The following DCC variants were observed in gnomAD, a reference collection of about 807,000 sequenced individuals.
DCC encodes the protein DCC netrin 1 receptor.
In DCC, 58 loss-of-function variants were observed where a neutral mutation model predicts 172.5. The observed-to-expected ratio is 0.34, with a 90% CI of 0.27 to 0.42. DCC has a LOEUF of 0.42. DCC is among the 10% of genes least tolerant of loss of function. The probability of loss-of-function intolerance (pLI) is 1.00; values close to 1 mark genes in which losing one functional copy is unlikely to be tolerated. For synonymous variants in DCC, 709 were observed against 644.5 expected, an observed-to-expected ratio of 1.10 and a Z score of -1.52; for missense variants, 1,740 against 1,791.0, an observed-to-expected ratio of 0.97 and a Z score of 0.51.
Position 53,252,737 on chromosome 18 carries a change from G to A in DCC, c.1911+37140G>A, listed in dbSNP as rs141247345. Among the ~76,000 whole-genome samples the A allele has an allele frequency of 2.4e-3, 370 of 151,954 alleles. 2 individuals carry two copies. The highest frequency in any genetic ancestry group is 8.3e-3 in the African/African-American group (345 of 41,484). ...ATGTTGACTTGTCTATCTGGAGAGC[G>A]GAGCACATAAAAGACCCAATTATTG... On this transcript the variant is annotated intron_variant, in intron 12 of 28. Transcript: ENST00000442544.
chr18:52,978,137 T>C (rs1433047937), intron 5 of DCC, among the ~76,000 whole-genome samples: 2 of 152,018 alleles, frequency 1.3e-5, no homozygotes, highest in Admixed American at 1.3e-4. Context: ...TCCGAGTTTA[T>C]CTTAATGATG....
rs559766521 is a variant in DCC, at chr18:52,644,494, G to A, written c.92-107560G>A. ...CTAGGGAGGCTGAGGCAGGAGAATGGCATGAACCTGGGAGGCGGAGCTTGC... is the reference window on the plus strand; with the variant it reads ...CTAGGGAGGCTGAGGCAGGAGAATGACATGAACCTGGGAGGCGGAGCTTGC... On this transcript the variant is annotated intron_variant, in intron 1 of 28. Transcript: ENST00000442544. Among the ~76,000 whole-genome samples, 26 of 150,674 alleles carry A rather than the reference G, an allele frequency of 1.7e-4. No individual in the cohort carries two copies. In the East Asian group the frequency reaches 5.1e-3, roughly 30 times the overall value.
At chr18:52,525,351 C>T (rs1312254120) in intron 1 of DCC, among the ~76,000 whole-genome samples, 1 of 152,160 alleles carries the variant, frequency 6.6e-6, no homozygotes. Context: ...GCCCATCTTC[C>T]ACCCTCTGCA....
chr18:52,617,038 G>T (rs1302432116), intron 1 of DCC, among the ~76,000 whole-genome samples: 1 of 152,132 alleles, frequency 6.6e-6, no homozygotes, highest in East Asian at 1.9e-4. Flanking sequence ...GCAAAAACTG[G>T]CCTTAACAGA....
intron 5 of DCC, among the ~76,000 whole-genome samples, chr18:53,050,402 C>T (rs1344633776): frequency 2.6e-5 from 4 of 152,096 alleles, no homozygotes; most frequent in Non-Finnish European, 4.4e-5. Flanking sequence ...TCTTCCTATC[C>T]GTGACCATGG....
At chr18:53,493,281 T>A (rs182347307) in intron 26 of DCC, among the ~76,000 whole-genome samples, 1 of 152,312 alleles carries the variant, frequency 6.6e-6, no homozygotes, top group East Asian at 1.9e-4. Context: ...CAGAGACAAT[T>A]TGACTTCCTC....
chr18:52,971,834 A>T (rs936137825), intron 5 of DCC, among the ~76,000 whole-genome samples: 1 of 152,102 alleles, frequency 6.6e-6, no homozygotes, highest in Non-Finnish European at 1.5e-5. Context: ...TAGGTGTGAC[A>T]TTTTGTTCCT....
chr18:52,343,963 A>T (rs1033097994), intron 1 of DCC, among the ~76,000 whole-genome samples: 1 of 152,162 alleles, frequency 6.6e-6, no homozygotes, highest in South Asian at 2.1e-4. Context: ...GTCAGTGTCC[A>T]TTTCCCACAC....
At chr18:52,989,286 G>A (rs1387061800) in intron 5 of DCC, among the ~76,000 whole-genome samples, 1 of 152,152 alleles carries the variant, frequency 6.6e-6, no homozygotes, top group Non-Finnish European at 1.5e-5. Flanking sequence ...ACTTTGGGAG[G>A]CCCAGGCGGG....
intron 5 of DCC, among the ~76,000 whole-genome samples, chr18:52,946,126 G>C (rs1354266470): frequency 6.6e-6 from 1 of 152,094 alleles, no homozygotes; most frequent in Non-Finnish European, 1.5e-5. Context: ...TCTCCAGGTA[G>C]GTTTAACAAC....
At chr18:52,551,797 A>G (rs2144724016) in intron 1 of DCC, among the ~76,000 whole-genome samples, 1 of 151,818 alleles carries the variant, frequency 6.6e-6, no homozygotes, top group South Asian at 2.1e-4. Flanking sequence ...TATTTCTAGT[A>G]GAGGAGAGAT....
intron 26 of DCC, among the ~76,000 whole-genome samples, chr18:53,493,379 G>A (rs2045981102): frequency 6.6e-6 from 1 of 152,150 alleles, no homozygotes; most frequent in Non-Finnish European, 1.5e-5. Flanking sequence ...GGAGTAGTGA[G>A]AGAGAGGGCA....
intron 2 of DCC, among the ~76,000 whole-genome samples, chr18:52,782,358 G>T (rs910966723): frequency 2.6e-5 from 4 of 151,564 alleles, no homozygotes; most frequent in Admixed American, 1.3e-4. Flanking sequence ...AGCCTTTCAT[G>T]ATTCTGAGAC....
At chr18:53,417,471 T>C (rs1490512786) in intron 21 of DCC, among the ~76,000 whole-genome samples, 1 of 152,172 alleles carries the variant, frequency 6.6e-6, no homozygotes, top group Non-Finnish European at 1.5e-5. Context: ...TAATGATGAG[T>C]AATTATCACT....
chr18:53,376,691 C>T (rs1397610359), intron 15 of DCC, among the ~76,000 whole-genome samples: 1 of 152,150 alleles, frequency 6.6e-6, no homozygotes, highest in African/African-American at 2.4e-5. Flanking sequence ...ACAATTCTTA[C>T]ACTATGACCG....
chr18:52,787,386 C>A (rs970543579), intron 2 of DCC, among the ~76,000 whole-genome samples: 3 of 152,106 alleles, frequency 2.0e-5, no homozygotes, highest in Non-Finnish European at 4.4e-5. Flanking sequence ...TGACAATTGT[C>A]TGCAAATGGT....
At chr18:52,570,811 C>T (rs192354168) in intron 1 of DCC, among the ~76,000 whole-genome samples, 49 of 151,988 alleles carry the variant, frequency 3.2e-4, no homozygotes, top group Non-Finnish European at 5.3e-4. Flanking sequence ...AATTCCTTTC[C>T]GTTATTCTGT....
Position 52,606,909 on chromosome 18 carries a change from T to C in DCC, c.92-145145T>C, listed in dbSNP as rs569257608. Among the ~76,000 whole-genome samples the C allele has an allele frequency of 9.8e-5, 15 of 152,318 alleles. No individual in the cohort carries two copies. In the South Asian group the frequency reaches 2.7e-3, roughly 27 times the overall value. Reference sequence around the variant, plus strand: ...GACTTCCTGATTAAGCTATTATTTATGACTTCCTTCTTTTTCAATTCCTTT... The same window carrying C: ...GACTTCCTGATTAAGCTATTATTTACGACTTCCTTCTTTTTCAATTCCTTT... On this transcript the variant is annotated intron_variant, in intron 1 of 28. Transcript: ENST00000442544.
intron 7 of DCC, among the ~76,000 whole-genome samples, chr18:53,074,848 A>C (rs576242401): frequency 6.6e-6 from 1 of 152,270 alleles, no homozygotes; most frequent in South Asian, 2.1e-4. Flanking sequence ...GTGTATATTT[A>C]TGAAGAGATT....
Sources: gnomAD v4.1 joint callset for allele counts (sites outside exome capture counted in the v4.1 genomes callset) on GRCh38, gnomAD v4.1.1 for gene constraint, MANE v1.5 for transcripts, NCBI Gene and HGNC (gene_info 2026-07-23, HGNC 2026-07-21) for gene names.